ZNF462: variants seen among roughly 807,000 people sequenced by gnomAD.
ZNF462 encodes the protein zinc finger protein 462, also known as zinc finger PBX1-interacting protein.
ZNF462 carries 10 observed loss-of-function variants against 201.9 expected under a neutral mutation model. The observed-to-expected ratio is 0.05, with a 90% CI of 0.03 to 0.08. ZNF462 has a LOEUF of 0.08. Ranked by LOEUF, ZNF462 falls within the 10% of genes least tolerant of loss-of-function variation. The probability of loss-of-function intolerance (pLI) is 1.00; values close to 1 mark genes in which losing one functional copy is unlikely to be tolerated. For missense variants in ZNF462, 2,523 were observed against 3,168.3 expected (o/e 0.80, Z 4.89); for synonymous variants, 1,227 against 1,193.3 (o/e 1.03, Z -0.58).
In ZNF462 at chr9:106,929,537, G is replaced by A. The variant is rs754006105; in HGVS notation, c.5625G>A (p.Lys1875=). ...CTGACCACCACAGTCGGGACCTAAA[G>A]AGGGACTTCATCATTCTGGGCAACG... The part of the protein sequence containing the change: ...HYTDHHSRDL[K]RDFIILGNGP... The change falls in exon 3 of 13, where the codon AAG becomes AAA. Residue 1875 remains lysine (K), a synonymous_variant. Transcript: ENST00000277225. The surrounding 1 kb of genome is among the most constrained non-coding windows in gnomAD (Gnocchi z 8.7). The A allele has an allele frequency of 6.2e-7, 1 of 1,614,190 alleles. No individual in the cohort carries two copies. Among genetic ancestry groups the A allele is most frequent in the Non-Finnish European group, 8.5e-7 (1 of 1,180,050 alleles).
rs1242896196 is a variant in ZNF462, at chr9:106,870,390, T to C, written c.-31+7035T>C. Among the ~76,000 whole-genome samples the C allele has an allele frequency of 2.0e-5, 3 of 152,192 alleles. No homozygotes were observed. The highest frequency in any genetic ancestry group is 2.1e-4 in the South Asian group (1 of 4,820). ...TGTTCAGTTCACTGCATGTTGCTTC[T>C]GGATATTAATAAAATACTTGTGCTG... On this transcript the variant is annotated intron_variant, in intron 1 of 12. Coordinates refer to ENST00000277225, the MANE Select transcript of ZNF462 (RefSeq NM_021224.6). This position sits in a 1 kb window ranked among gnomAD's most constrained non-coding sequence, Gnocchi z 4.3.
chr9:106,986,270 A>G (rs955430500), intron 10 of ZNF462, among the ~76,000 whole-genome samples: 1 of 152,188 alleles, frequency 6.6e-6, no homozygotes, highest in East Asian at 1.9e-4. Flanking sequence ...TGAGTTGCTC[A>G]GGAACATAGG....
rs530207351 is a variant in ZNF462 at position 106,905,751 on chromosome 9, G to A, written c.-30-17603G>A. Among the ~76,000 whole-genome samples, 4 of 152,104 alleles carry A rather than the reference G, an allele frequency of 2.6e-5. No individual in the cohort carries two copies. Among genetic ancestry groups the A allele is most frequent in the Admixed American group, 6.5e-5 (1 of 15,270 alleles). Reference sequence around the variant, plus strand: ...TGGTCTCACTCTCACCGTGACCCCCGCAACAGCCCCGAGTCTGTTTCCAGG... The same window carrying A: ...TGGTCTCACTCTCACCGTGACCCCCACAACAGCCCCGAGTCTGTTTCCAGG... On this transcript the variant is annotated intron_variant, in intron 1 of 12. Coordinates refer to ENST00000277225, the MANE Select transcript of ZNF462 (RefSeq NM_021224.6). This position sits in a 1 kb window ranked among gnomAD's most constrained non-coding sequence, Gnocchi z 5.9.
chr9:106,941,448 C>G (rs1386328909), intron 7 of ZNF462, among the ~76,000 whole-genome samples: 1 of 152,108 alleles, frequency 6.6e-6, no homozygotes, highest in Non-Finnish European at 1.5e-5. Context: ...GAGTAGCTCT[C>G]TCTATAACAT....
rs767427555 is a variant in ZNF462 at position 107,009,995 on chromosome 9, C to T, written c.7313+327C>T. ...TGACATTCTATAATAGAACGTGAAT[C>T]GAGGTCAAAAGATCTGGCTTCTGTT... On this transcript the variant is annotated intron_variant, in intron 12 of 12. Coordinates refer to ENST00000277225, the MANE Select transcript of ZNF462 (RefSeq NM_021224.6). The surrounding 1 kb of genome is among the most constrained non-coding windows in gnomAD (Gnocchi z 6.1). 5.3e-5 allele frequency among the ~76,000 whole-genome samples: 8 copies of T among 152,086 alleles called. No individual in the cohort carries two copies. The highest frequency in any genetic ancestry group is 1.2e-4 in the Non-Finnish European group (8 of 68,022).
intron 7 of ZNF462, among the ~76,000 whole-genome samples, chr9:106,960,314 T>C (rs1400176739): frequency 1.3e-5 from 2 of 152,148 alleles, no homozygotes; most frequent in Admixed American, 6.6e-5. Context: ...CCATCAATTG[T>C]GACCAACTCC....
intron 7 of ZNF462, among the ~76,000 whole-genome samples, chr9:106,946,955 A>G (rs557528751): frequency 1.3e-5 from 2 of 152,326 alleles, no homozygotes; most frequent in South Asian, 2.1e-4. Flanking sequence ...TTGTACACAT[A>G]TTTTTGTTAA....
Position 106,911,091 on chromosome 9 carries a change from AC to A in ZNF462, c.-30-12260del, listed in dbSNP as rs369134702. Among the ~76,000 whole-genome samples, 1,489 of 152,224 alleles carry A rather than the reference AC, an allele frequency of 9.8e-3. 15 individuals carry two copies. Among genetic ancestry groups the A allele is most frequent in the South Asian group, 0.024 (116 of 4,808 alleles). ...AAATATCAAGGACACTGTGTCATGA[AC>A]CCTTCTGAAGTTTTTAAGGGAGGTA... On this transcript the variant is annotated intron_variant, in intron 1 of 12. Transcript: ENST00000277225.
Position 106,921,294 on chromosome 9 carries a change from T to C in ZNF462, c.-30-2060T>C, listed in dbSNP as rs188440652. ...TATCAATCATGGAATAAAAGAACCT[T>C]TGGAGATCTTGGTGAATGACATTTG... On this transcript the variant is annotated intron_variant, in intron 1 of 12. Transcript: ENST00000277225. Among the ~76,000 whole-genome samples, 415 of 152,134 alleles carry C rather than the reference T, an allele frequency of 2.7e-3. 2 individuals carry two copies. The highest frequency in any genetic ancestry group is 9.6e-3 in the African/African-American group (398 of 41,478).
In ZNF462 at chr9:106,920,217, G is replaced by A. The variant is rs1425122237; in HGVS notation, c.-30-3137G>A. Among the ~76,000 whole-genome samples the A allele has an allele frequency of 1.7e-4, 26 of 151,370 alleles. No homozygotes were observed. Among genetic ancestry groups the A allele is most frequent in the Non-Finnish European group, 1.5e-5 (1 of 67,960 alleles). ...TGCAAAAACATATGAATGGGTCATC[G>A]TCATGTCCAGTGTGTTTTTGTCTCT... On this transcript the variant is annotated intron_variant, in intron 1 of 12. Transcript: ENST00000277225. The surrounding 1 kb of genome is among the most constrained non-coding windows in gnomAD (Gnocchi z 4.3).
chr9:106,916,047 T>C (rs193271433), intron 1 of ZNF462, among the ~76,000 whole-genome samples: 307 of 152,294 alleles, frequency 2.0e-3, no homozygotes, highest in Non-Finnish European at 3.3e-3. Context: ...TCAGGGAGAT[T>C]AGATTGAGAT....
In ZNF462 at chr9:106,880,911, GTTTC is replaced by G. The variant is rs772632781; in HGVS notation, c.-31+17560_-31+17563del. Among the ~76,000 whole-genome samples the G allele has an allele frequency of 6.6e-6, 1 of 152,146 alleles. No homozygotes were observed. The highest frequency in any genetic ancestry group is 1.5e-5 in the Non-Finnish European group (1 of 68,028). On this transcript the variant is annotated intron_variant, in intron 1 of 12. Transcript: ENST00000277225. This position sits in a 1 kb window ranked among gnomAD's most constrained non-coding sequence, Gnocchi z 4.1. ...ACTCTGAGGTTGATAGATACAAATAGTTTCTTTAAGAATTCTGATTCCTACAAAA... is the reference window on the plus strand; with the variant it reads ...ACTCTGAGGTTGATAGATACAAATAGTTTAAGAATTCTGATTCCTACAAAA...
In ZNF462 at chr9:106,963,811, AAACTCTATATCCATAGAACAAC is replaced by A. The variant is rs1209200753; in HGVS notation, c.6428-8187_6428-8166del. Among the ~76,000 whole-genome samples the A allele has an allele frequency of 6.6e-6, 1 of 152,030 alleles. No individual in the cohort carries two copies. The highest frequency in any genetic ancestry group is 1.5e-5 in the Non-Finnish European group (1 of 67,958). On this transcript the variant is annotated intron_variant, in intron 7 of 12. Transcript: ENST00000277225. The surrounding 1 kb of genome is among the most constrained non-coding windows in gnomAD (Gnocchi z 4.7). ...AGAACTCTTTCATCTTACACGACTG[AAACTCTATATCCATAGAACAAC>A]AACTCTCCACTTCCTTCTACCCACA... is the stretch of plus-strand genomic sequence containing the variant.
intron 1 of ZNF462, among the ~76,000 whole-genome samples, chr9:106,916,261 G>A (rs1309430523): frequency 6.6e-6 from 1 of 152,104 alleles, no homozygotes; most frequent in Non-Finnish European, 1.5e-5. Flanking sequence ...AACACTTTGG[G>A]CCATGAAGAC....
rs746811128 is a variant in ZNF462, at chr9:106,924,158, C to A, written c.246C>A (p.Thr82=). The A allele has an allele frequency of 1.2e-6, 2 of 1,607,480 alleles. No individual in the cohort carries two copies. The highest frequency in any genetic ancestry group is 1.3e-5 in the African/African-American group (1 of 74,654). The change falls in exon 3 of 13, where the codon ACC becomes ACA. Residue 82 remains threonine, a synonymous_variant. Coordinates refer to ENST00000277225, the MANE Select transcript of ZNF462 (RefSeq NM_021224.6). The surrounding 1 kb of genome is among the most constrained non-coding windows in gnomAD (Gnocchi z 6.2). ...GTCAAAATGCAACTTCATTGGGGAC[C>A]GGAGGTTACTATGGCCACAGTCCAG... The part of the protein sequence containing the change: ...LSGQNATSLG[T]GGYYGHSPGY...
Position 106,886,156 on chromosome 9 carries a change from A to G in ZNF462, c.-31+22801A>G, listed in dbSNP as rs566584074. Among the ~76,000 whole-genome samples the G allele has an allele frequency of 6.6e-6, 1 of 152,350 alleles. No homozygotes were observed. The highest frequency in any genetic ancestry group is 2.4e-5 in the African/African-American group (1 of 41,580). ...CCTTAGCCTGATAGGTGGTAGCCAC[A>G]TAATGACTCATTGAGCACTACTGAC... On this transcript the variant is annotated intron_variant, in intron 1 of 12. Coordinates refer to ENST00000277225, the MANE Select transcript of ZNF462 (RefSeq NM_021224.6). The surrounding 1 kb of genome is among the most constrained non-coding windows in gnomAD (Gnocchi z 4.6).
chr9:106,860,319 T>G (rs1293138363), upstream of ZNF462, among the ~76,000 whole-genome samples: 2 of 152,138 alleles, frequency 1.3e-5, no homozygotes, highest in Non-Finnish European at 2.9e-5. This position sits in a 1 kb window ranked among gnomAD's most constrained non-coding sequence, Gnocchi z 7.1. Flanking sequence ...CCAAGTGGGT[T>G]TACGAGGTCT....
At chr9:106,875,814 A>G (rs1332238594) in intron 1 of ZNF462, among the ~76,000 whole-genome samples, 1 of 152,210 alleles carries the variant, frequency 6.6e-6, no homozygotes. Flanking sequence ...ATGGGAAAAT[A>G]ATGCACTTGA....
chr9:106,909,274 C>T (rs926535790), intron 1 of ZNF462, among the ~76,000 whole-genome samples: 3 of 151,656 alleles, frequency 2.0e-5, no homozygotes, highest in Admixed American at 1.3e-4. Context: ...AGCTTTTTCA[C>T]TTCCATCTGT....
Sources: gnomAD v4.1 joint callset for allele counts (sites outside exome capture counted in the v4.1 genomes callset) on GRCh38, gnomAD v4.1.1 for gene constraint, Gnocchi (gnomAD v3.1) non-coding constraint, MANE v1.5 for transcripts, NCBI Gene and HGNC (gene_info 2026-07-23, HGNC 2026-07-21) for gene names.